Variants in CALN1 observed in about 807,000 individuals in gnomAD.
CALN1 encodes the protein calcium-binding protein 8.
Under a neutral mutation model 30.6 loss-of-function variants are expected in CALN1, and 17 were observed. The observed-to-expected ratio is 0.56, with a 90% CI of 0.38 to 0.83. The LOEUF is 0.83. Among genes scored for constraint, CALN1 ranks in the 40% least tolerant of loss-of-function variants. CALN1 has a pLI of 0.00. For synonymous variants in CALN1, 156 were observed against 131.4 expected (o/e 1.19, Z -1.28); for missense variants, 291 against 354.9 (o/e 0.82, Z 1.45).
At chr7:71,916,650 C>A (rs1258790632) in intron 5 of CALN1, among the ~76,000 whole-genome samples, 1 of 151,970 alleles carries the variant, frequency 6.6e-6, no homozygotes, top group Non-Finnish European at 1.5e-5. Flanking sequence ...AGGGGAACAA[C>A]ACACACTGGG....
the CALN1 span, among the ~76,000 whole-genome samples, chr7:72,469,522 GAGT>G: frequency 2.6e-5 from 4 of 152,232 alleles, no homozygotes; most frequent in African/African-American, 9.6e-5. Context: ...TCAGCCTCCT[GAGT>G]ACCTAGGATT....
chr7:72,022,282 C>CT lies in CALN1; in HGVS notation c.501+1374dup, dbSNP rs528033942. 3.3e-4 allele frequency among the ~76,000 whole-genome samples: 50 copies of CT among 152,354 alleles called. No individual in the cohort carries two copies. The East Asian group carries it at 5.0e-3, about 15-fold the overall frequency. ...CTGTGTACAGCATGCACAGAGTGAGCTACAACTCTGAAGCCCTGTGCTTCA... is the reference window on the plus strand; with the variant it reads ...CTGTGTACAGCATGCACAGAGTGAGCTTACAACTCTGAAGCCCTGTGCTTCA... On this transcript the variant is annotated intron_variant, in intron 5 of 6. Transcript: ENST00000395275.
chr7:72,456,992 T>TTTTC, the CALN1 span, among the ~76,000 whole-genome samples: 5 of 150,002 alleles, frequency 3.3e-5, no homozygotes, highest in African/African-American at 9.8e-5. Flanking sequence ...TTTTTTTTCT[T>TTTTC]TTTCTTTCTT....
At chr7:72,065,250 C>A (rs1803942250) in intron 4 of CALN1, among the ~76,000 whole-genome samples, 1 of 151,862 alleles carries the variant, frequency 6.6e-6, no homozygotes, top group African/African-American at 2.4e-5. Context: ...TCATGGCCAG[C>A]AATCTCAACT....
At chr7:72,372,168 T>TC (rs1332844930) in intron 2 of CALN1, among the ~76,000 whole-genome samples, 18 of 152,198 alleles carry the variant, frequency 1.2e-4, no homozygotes, top group African/African-American at 4.3e-4. Context: ...TTCTTTCTTT[T>TC]CCTTTTCTCT....
chr7:72,463,474 GGGAGTTCA>G, the CALN1 span, among the ~76,000 whole-genome samples: 1 of 152,074 alleles, frequency 6.6e-6, no homozygotes, highest in African/African-American at 2.4e-5. Flanking sequence ...GCATTTTTCT[GGGAGTTCA>G]GGAAGCACCA....
At chr7:72,417,556 C>A in intron 1 of CALN1, among the ~76,000 whole-genome samples, 1 of 152,212 alleles carries the variant, frequency 6.6e-6, no homozygotes, top group East Asian at 1.9e-4. Flanking sequence ...AGCACTGGTT[C>A]CTAAGTGACT....
the CALN1 span, among the ~76,000 whole-genome samples, chr7:72,492,634 A>G: frequency 6.6e-6 from 1 of 152,228 alleles, no homozygotes; most frequent in Non-Finnish European, 1.5e-5. Flanking sequence ...CACCATGCCA[A>G]CCGCTGGGTC....
Position 71,994,511 on chromosome 7 carries a change from C to CAAAAAAAAAAAA in CALN1, c.501+29134_501+29145dup, listed in dbSNP as rs367725464. On this transcript the variant is annotated intron_variant, in intron 5 of 6. Coordinates refer to ENST00000395275, the MANE Select transcript of CALN1 (RefSeq NM_031468.4). The stretch of plus-strand genomic sequence containing the variant: ...TGGGCGACAGAGCAAGACTTCATCT[C>CAAAAAAAAAAAA]AAAAAAAAAAAAAAAAAAAAAACAG... 1.5e-3 allele frequency among the ~76,000 whole-genome samples: 66 copies of CAAAAAAAAAAAA among 44,012 alleles called. 2 individuals carry two copies. Among genetic ancestry groups the CAAAAAAAAAAAA allele is most frequent in the African/African-American group, 4.9e-3 (58 of 11,728 alleles). 28.9% of individuals were successfully genotyped at this position (44,012 alleles called of 152,430 possible).
intron 3 of CALN1, among the ~76,000 whole-genome samples, chr7:72,233,918 C>T (rs1024513481): frequency 1.1e-4 from 17 of 152,080 alleles, no homozygotes; most frequent in African/African-American, 3.9e-4. Context: ...ACAGGAGAAT[C>T]GCTTGAGCCT....
intron 4 of CALN1, among the ~76,000 whole-genome samples, chr7:72,062,004 C>G (rs1803688719): frequency 6.6e-6 from 1 of 152,126 alleles, no homozygotes; most frequent in Non-Finnish European, 1.5e-5. Context: ...CTATAGATTT[C>G]TCATCATAAA....
At chr7:71,893,299 G>C (rs1584461463) in intron 5 of CALN1, among the ~76,000 whole-genome samples, 2 of 152,274 alleles carry the variant, frequency 1.3e-5, no homozygotes, top group Non-Finnish European at 2.9e-5. Flanking sequence ...GCACAAGAAG[G>C]CCTCCCACTA....
intron 4 of CALN1, among the ~76,000 whole-genome samples, chr7:72,030,723 A>G (rs1392292694): frequency 2.6e-5 from 4 of 152,110 alleles, no homozygotes; most frequent in Non-Finnish European, 4.4e-5. Flanking sequence ...CGTGGTGGAC[A>G]TGGTTTTTTA....
chr7:72,196,262 C>T (rs527505804), intron 3 of CALN1, among the ~76,000 whole-genome samples: 125 of 152,156 alleles, frequency 8.2e-4, no homozygotes, highest in African/African-American at 2.7e-3. Flanking sequence ...GGGCTACAGG[C>T]GCATACCGCC....
chr7:72,489,891 T>C, the CALN1 span, among the ~76,000 whole-genome samples: 2 of 152,190 alleles, frequency 1.3e-5, no homozygotes, highest in African/African-American at 4.8e-5. Flanking sequence ...GTCTTTCTCA[T>C]ACATTTCAGG....
intron 4 of CALN1, among the ~76,000 whole-genome samples, chr7:72,060,537 A>C (rs1024376775): frequency 6.6e-6 from 1 of 152,144 alleles, no homozygotes; most frequent in Non-Finnish European, 1.5e-5. Flanking sequence ...GTCTAACCCT[A>C]AACAGTCTGC....
At chr7:72,190,519 A>G (rs374497408) in intron 3 of CALN1, among the ~76,000 whole-genome samples, 3 of 152,340 alleles carry the variant, frequency 2.0e-5, no homozygotes, top group African/African-American at 7.2e-5. Flanking sequence ...TTCCCAGCAC[A>G]CCATTCTGCA....
chr7:72,413,447 C>T (rs1562959936), upstream of CALN1, among the ~76,000 whole-genome samples: 1 of 151,870 alleles, frequency 6.6e-6, no homozygotes, highest in Non-Finnish European at 1.5e-5. Context: ...GACTCACATA[C>T]CACACATGGA....
At chr7:72,393,447 G>GTCT (rs1805710978) in intron 2 of CALN1, among the ~76,000 whole-genome samples, 1 of 152,140 alleles carries the variant, frequency 6.6e-6, no homozygotes, top group Non-Finnish European at 1.5e-5. Flanking sequence ...CTGGGAGAGA[G>GTCT]AGCAAGACTC....
Sources: gnomAD v4.1 joint callset for allele counts (sites outside exome capture counted in the v4.1 genomes callset) on GRCh38, gnomAD v4.1.1 for gene constraint, MANE v1.5 for transcripts, NCBI Gene and HGNC (gene_info 2026-07-23, HGNC 2026-07-21) for gene names.